The following DENND5A variants were observed in gnomAD, a reference collection of about 807,000 sequenced individuals.
DENND5A encodes the protein DENN domain-containing protein 5A.
Under a neutral mutation model 140.3 loss-of-function variants are expected in DENND5A, and 64 were observed. The ratio of observed to expected loss-of-function variants is 0.46; its 90% confidence interval spans 0.37 to 0.56. The LOEUF is 0.56. Ranked by LOEUF, DENND5A falls within the 20% of genes least tolerant of loss-of-function variation. DENND5A has a pLI of 0.00. For missense variants in DENND5A, 1,292 were observed against 1,593.8 expected (o/e 0.81, Z 3.22); for synonymous variants, 605 against 607.7 (o/e 1.00, Z 0.07).
chr11:9,256,040 A>G (rs1851931938), intron 1 of DENND5A, among the ~76,000 whole-genome samples: 1 of 139,380 alleles, frequency 7.2e-6, no homozygotes, highest in Admixed American at 6.9e-5. Flanking sequence ...AAAAAAAAAA[A>G]GGTTAAACAC....
intron 4 of DENND5A, among the ~76,000 whole-genome samples, chr11:9,198,880 G>A (rs1043743888): frequency 2.7e-5 from 4 of 150,486 alleles, no homozygotes; most frequent in Admixed American, 1.3e-4. Flanking sequence ...AGACCAGCCC[G>A]GCCAACATGG....
At chr11:9,194,569 A>G (rs1049477795) in intron 4 of DENND5A, among the ~76,000 whole-genome samples, 2 of 132,966 alleles carry the variant, frequency 1.5e-5, no homozygotes, top group African/African-American at 5.5e-5. Context: ...ACTCCTTCTT[A>G]AAAAAAAAAA....
intron 5 of DENND5A, among the ~76,000 whole-genome samples, chr11:9,192,777 G>C (rs1022268777): frequency 3.9e-5 from 6 of 152,128 alleles, no homozygotes; most frequent in African/African-American, 1.4e-4. Context: ...ATTCAAAGTA[G>C]GAAAGCACTT....
intron 1 of DENND5A, among the ~76,000 whole-genome samples, chr11:9,221,289 G>A (rs1850302243): frequency 6.6e-6 from 1 of 151,382 alleles, no homozygotes; most frequent in South Asian, 2.1e-4. Flanking sequence ...AAATTAGCCG[G>A]GCATGGTGGC....
At chr11:9,248,793 AATATTT>A (rs1851589652) in intron 1 of DENND5A, among the ~76,000 whole-genome samples, 1 of 152,310 alleles carries the variant, frequency 6.6e-6, no homozygotes. Context: ...CCCAAAATAA[AATATTT>A]AGTTTTCTTC....
intron 1 of DENND5A, among the ~76,000 whole-genome samples, chr11:9,221,455 C>G (rs577188234): frequency 6.7e-6 from 1 of 150,210 alleles, no homozygotes; most frequent in East Asian, 1.9e-4. Flanking sequence ...ACAACAGCAA[C>G]AAAAAAAACA....
chr11:9,224,133 G>A (rs927240098), intron 1 of DENND5A, among the ~76,000 whole-genome samples: 6 of 152,194 alleles, frequency 3.9e-5, no homozygotes, highest in Non-Finnish European at 7.3e-5. Flanking sequence ...GGCAGAGGTT[G>A]CAGTGAGCCG....
chr11:9,168,499 A>C (rs1848263616), intron 10 of DENND5A, among the ~76,000 whole-genome samples: 1 of 152,164 alleles, frequency 6.6e-6, no homozygotes, highest in Admixed American at 6.5e-5. Flanking sequence ...ATGAAAACAG[A>C]CTAATACACT....
chr11:9,225,350 T>C (rs1278183235), intron 1 of DENND5A, among the ~76,000 whole-genome samples: 4 of 152,238 alleles, frequency 2.6e-5, no homozygotes, highest in African/African-American at 9.6e-5. Flanking sequence ...TGAAACATTC[T>C]TGAATCCAAA....
intron 8 of DENND5A, chr11:9,176,999 A>G (rs1848565190): frequency 2.2e-6 from 1 of 449,246 alleles, no homozygotes. Context: ...TAACGCCTAT[A>G]ATCCTAGCAC....
intron 1 of DENND5A, among the ~76,000 whole-genome samples, chr11:9,224,955 A>G (rs1188702492): frequency 1.3e-5 from 2 of 151,862 alleles, no homozygotes; most frequent in Admixed American, 1.3e-4. Flanking sequence ...GGTCAGAGCC[A>G]TTTACTGGTT....
At position 9,151,761 on chromosome 11, in the gene DENND5A, T is replaced by C. The variant is rs1175250950; in HGVS notation, c.2521+597A>G. The stretch of plus-strand genomic sequence containing the variant: ...AGGAGATAAGATGACTGGCTCTTGT[T>C]TGGCCTCTTCCATGAGCTCACTTTG... On this transcript the variant is annotated intron_variant, in intron 13 of 22. Coordinates refer to ENST00000328194, the MANE Select transcript of DENND5A (RefSeq NM_015213.4). Among the ~76,000 whole-genome samples, 4 of 152,342 alleles carry C rather than the reference T, an allele frequency of 2.6e-5. No individual in the cohort carries two copies. The East Asian group carries it at 7.7e-4, about 29-fold the overall frequency.
intron 1 of DENND5A, among the ~76,000 whole-genome samples, chr11:9,244,379 A>AT (rs139452692): frequency 2.0e-5 from 3 of 151,574 alleles, no homozygotes; most frequent in Non-Finnish European, 4.4e-5. Flanking sequence ...ATTTTTATTT[A>AT]TTTTTTTGAG....
chr11:9,169,488 T>TACACAC (rs1373451205), intron 10 of DENND5A, among the ~76,000 whole-genome samples: 10 of 106,932 alleles, frequency 9.4e-5, no homozygotes, highest in African/African-American at 3.9e-4. Flanking sequence ...TTTTCCTATA[T>TACACAC]ACACACGCAC....
chr11:9,186,221 T>C (rs1164870550), intron 5 of DENND5A, among the ~76,000 whole-genome samples: 1 of 152,214 alleles, frequency 6.6e-6, no homozygotes, highest in African/African-American at 2.4e-5. Context: ...GGATAACAAC[T>C]TTGAACCCCA....
At chr11:9,153,906 A>G (rs1264220862) in intron 12 of DENND5A, among the ~76,000 whole-genome samples, 1 of 152,236 alleles carries the variant, frequency 6.6e-6, no homozygotes, top group Non-Finnish European at 1.5e-5. Flanking sequence ...TCACCTGGGT[A>G]ATGAGTGAGC....
chr11:9,240,140 G>A (rs1209474435), intron 1 of DENND5A, among the ~76,000 whole-genome samples: 2 of 152,100 alleles, frequency 1.3e-5, no homozygotes, highest in Non-Finnish European at 2.9e-5. Flanking sequence ...GGGCGTGGTG[G>A]CTCACGTCTG....
rs571192867 is a variant in DENND5A at position 9,177,072 on chromosome 11, T to C, written c.1906+1060A>G. Among the ~76,000 whole-genome samples, 38 of 151,462 alleles carry C rather than the reference T, an allele frequency of 2.5e-4. No homozygotes were observed. In the South Asian group the frequency reaches 6.5e-3, roughly 26 times the overall value. On this transcript the variant is annotated intron_variant, in intron 8 of 22. Transcript: ENST00000328194. ...GAGTTCGAGGCCAGCCTGGGCAACA[T>C]GGCGAGACTCTGTCTCTAAAAAATA... is the stretch of plus-strand genomic sequence containing the variant.
Position 9,219,132 on chromosome 11 carries a change from A to G in DENND5A, c.110-11500T>C, listed in dbSNP as rs556168827. 2.6e-4 allele frequency among the ~76,000 whole-genome samples: 40 copies of G among 152,308 alleles called. 1 individual carries two copies. In the South Asian group the frequency reaches 7.7e-3, roughly 29 times the overall value. ...ATACCATAAAAAGCGAAGAGAAAAAATAAAGGGGAGGAAATTATCAACAAA... is the reference window on the plus strand; with the variant it reads ...ATACCATAAAAAGCGAAGAGAAAAAGTAAAGGGGAGGAAATTATCAACAAA... On this transcript the variant is annotated intron_variant, in intron 1 of 22. Transcript: ENST00000328194.
Sources: allele counts gnomAD v4.1 joint callset (sites outside exome capture counted in the v4.1 genomes callset), GRCh38; gene constraint gnomAD v4.1.1; transcripts MANE v1.5; gene names NCBI Gene and HGNC (gene_info 2026-07-23, HGNC 2026-07-21).